PRKAR1A: variants seen among roughly 807,000 people sequenced by gnomAD.
PRKAR1A encodes protein kinase cAMP-dependent type I regulatory subunit alpha.
PRKAR1A carries 3 observed loss-of-function variants against 52.0 expected under a neutral mutation model. That is an observed-to-expected ratio of 0.06 (90% CI 0.03 to 0.15). The LOEUF is 0.15. Among genes scored for constraint, PRKAR1A ranks in the 10% least tolerant of loss-of-function variants. The pLI is 1.00. For missense variants in PRKAR1A, 240 were observed against 477.4 expected (o/e 0.50, Z 4.63); for synonymous variants, 188 against 168.4 (o/e 1.12, Z -0.90).
At chr17:68,434,532 A>G in the PRKAR1A span, 1 of 1,612,836 alleles carries the variant, frequency 6.2e-7, no homozygotes, top group African/African-American at 1.3e-5. Context: ...GGACTTTAAA[A>G]TGGGTTTGAC....
chr17:68,441,518 C>T, the PRKAR1A span, among the ~76,000 whole-genome samples: 3 of 152,176 alleles, frequency 2.0e-5, no homozygotes, highest in African/African-American at 7.2e-5. Context: ...AGGATGAGAA[C>T]AGATAAGGCG....
the PRKAR1A span, chr17:68,420,656 G>A: frequency 6.0e-6 from 4 of 671,336 alleles, no homozygotes; most frequent in Non-Finnish European, 9.9e-6. Flanking sequence ...AGCTGCGCTG[G>A]CTCTGGGCAG....
At chr17:68,438,597 C>T in the PRKAR1A span, among the ~76,000 whole-genome samples, 1 of 152,174 alleles carries the variant, frequency 6.6e-6, no homozygotes, top group African/African-American at 2.4e-5. Context: ...TTTCTCAGCA[C>T]ATATGTTTTG....
At chr17:68,460,340 G>T in the PRKAR1A span, among the ~76,000 whole-genome samples, 70,059 of 151,910 alleles carry the variant, frequency 0.46, 16,348 homozygotes, top group Middle Eastern at 0.51. Context: ...TGATTTCATG[G>T]TTGGGAAGGG....
the PRKAR1A span, among the ~76,000 whole-genome samples, chr17:68,470,182 A>G: frequency 6.6e-6 from 1 of 151,676 alleles, no homozygotes; most frequent in African/African-American, 2.4e-5. Context: ...TCCCAGGTTC[A>G]AGTGATTCTC....
the PRKAR1A span, among the ~76,000 whole-genome samples, chr17:68,480,428 G>A: frequency 6.6e-6 from 1 of 152,114 alleles, no homozygotes; most frequent in Non-Finnish European, 1.5e-5. Flanking sequence ...TAATTTATCA[G>A]TTCAGGGGTT....
At chr17:68,427,562 G>A in the PRKAR1A span, 9 of 207,384 alleles carry the variant, frequency 4.3e-5, no homozygotes, top group Non-Finnish European at 8.9e-5. Flanking sequence ...TCACCATGTT[G>A]GCCAGGCTGG....
chr17:68,539,222 T>C, intron 11 of PRKAR1A: 2 of 936,176 alleles, frequency 2.1e-6, no homozygotes. Context: ...CATGTCATTC[T>C]ACCCACTTAC....
the PRKAR1A span, among the ~76,000 whole-genome samples, chr17:68,492,727 G>C: frequency 6.6e-6 from 1 of 152,168 alleles, no homozygotes; most frequent in Admixed American, 6.5e-5. Context: ...TCAGAAGAAA[G>C]AATTTGACTG....
chr17:68,462,141 T>G, the PRKAR1A span, among the ~76,000 whole-genome samples: 11 of 152,230 alleles, frequency 7.2e-5, no homozygotes, highest in East Asian at 2.1e-3. Flanking sequence ...AAAAATGTTA[T>G]TTCATGAAAG....
Position 68,523,798 on chromosome 17 carries a change from TTGA to T in PRKAR1A, c.427_429del (p.Asp143del), listed in dbSNP as rs1308936763. ...GAAAAGAATGTGCTGTTTTCACATC[TTGA>T]TGATAATGAGAGAAGGTAGGAACAG... On this transcript the variant is annotated inframe_deletion, in exon 4 of 11. Transcript: ENST00000589228. The T allele has an allele frequency of 6.2e-7, 1 of 1,613,706 alleles. No homozygotes were observed. Among genetic ancestry groups the T allele is most frequent in the Non-Finnish European group, 8.5e-7 (1 of 1,179,842 alleles).
downstream of PRKAR1A, chr17:68,535,622 A>G (rs1297334810): frequency 4.4e-6 from 2 of 453,938 alleles, no homozygotes; most frequent in African/African-American, 2.0e-5. Flanking sequence ...AGTTAAGGAA[A>G]TCTTTGGGAT....
At chr17:68,537,283 A>G (rs986327576), downstream of PRKAR1A, 4 of 772,408 alleles carry the variant, frequency 5.2e-6, no homozygotes, top group Admixed American at 8.0e-5. The surrounding 1 kb of genome is among the most constrained non-coding windows in gnomAD (Gnocchi z 4.2). Context: ...AAGGCAACGC[A>G]CGACAGAAGC....
At chr17:68,436,303 G>T in the PRKAR1A span, 1 of 1,337,120 alleles carries the variant, frequency 7.5e-7, no homozygotes, top group Non-Finnish European at 1.1e-6. Flanking sequence ...CCCGACGGCA[G>T]GGCGTCCTTA....
the PRKAR1A span, among the ~76,000 whole-genome samples, chr17:68,490,746 T>G: frequency 6.6e-6 from 1 of 152,188 alleles, no homozygotes; most frequent in South Asian, 2.1e-4. Context: ...TCTACTTTCC[T>G]ATTATCCTGA....
the PRKAR1A span, chr17:68,425,799 C>T: frequency 1.6e-5 from 6 of 364,590 alleles, no homozygotes; most frequent in Middle Eastern, 7.7e-4. Flanking sequence ...AGTAAGGGAT[C>T]GCAGGCCTCT....
In PRKAR1A at chr17:68,531,790, T is replaced by G; in HGVS notation, c.*1341T>G. 9.7e-7 allele frequency: 1 copy of G among 1,034,490 alleles called. No homozygotes were observed. The highest frequency in any genetic ancestry group is 1.2e-6 in the Non-Finnish European group (1 of 850,750). 64.1% of individuals were successfully genotyped at this position (1,034,490 alleles called of 1,614,324 possible). A position where few individuals can be genotyped will look rare whatever the true frequency, so the allele number is the denominator to read the frequency against. ...TTTTCCAGCCTTATGTGTTACATTATTCCAATGATACCCAACAGTTTATTT... is the reference window on the plus strand; with the variant it reads ...TTTTCCAGCCTTATGTGTTACATTAGTCCAATGATACCCAACAGTTTATTT... On this transcript the variant is annotated 3_prime_UTR_variant, in exon 11 of 11. Transcript: ENST00000589228.
At chr17:68,427,699 G>A in the PRKAR1A span, 2 of 158,494 alleles carry the variant, frequency 1.3e-5, no homozygotes, top group East Asian at 1.9e-4. Context: ...GTCACACACC[G>A]TCAAAATGGC....
chr17:68,485,898 C>G, the PRKAR1A span, among the ~76,000 whole-genome samples: 1 of 152,094 alleles, frequency 6.6e-6, no homozygotes, highest in Non-Finnish European at 1.5e-5. Context: ...GCCACCATGC[C>G]TGGCTAATTT....
Sources: allele counts gnomAD v4.1 joint callset (sites outside exome capture counted in the v4.1 genomes callset), GRCh38; gene constraint gnomAD v4.1.1; non-coding constraint Gnocchi (gnomAD v3.1); transcripts MANE v1.5; gene names NCBI Gene and HGNC (gene_info 2026-07-23, HGNC 2026-07-21).